The following PDE9A variants were observed in gnomAD, a reference collection of about 807,000 sequenced individuals.
The protein encoded by PDE9A is phosphodiesterase 9A.
PDE9A carries 60 observed loss-of-function variants against 87.4 expected under a neutral mutation model. That is an observed-to-expected ratio of 0.69 (90% confidence interval 0.56 to 0.85). The LOEUF is 0.85. Among genes scored for constraint, PDE9A ranks in the 40% least tolerant of loss-of-function variants. The probability of loss-of-function intolerance (pLI) is 0.00; values close to 1 mark genes in which losing one functional copy is unlikely to be tolerated. For missense variants in PDE9A, 665 were observed against 779.0 expected (o/e 0.85, Z 1.74); for synonymous variants, 272 against 279.4 (o/e 0.97, Z 0.27).
chr21:42,691,014 C>A (rs1245007361), intron 3 of PDE9A, among the ~76,000 whole-genome samples: 1 of 151,868 alleles, frequency 6.6e-6, no homozygotes, highest in East Asian at 1.9e-4. Flanking sequence ...TATCACCATC[C>A]AAAGTCACCA....
At chr21:42,689,580 G>C (rs1387191373) in intron 3 of PDE9A, 1 of 985,354 alleles carries the variant, frequency 1.0e-6, no homozygotes, top group African/African-American at 1.7e-5. Context: ...GAGAGAAACT[G>C]CTTTGTTTTC....
At chr21:42,758,965 C>G (rs2147078644) in intron 10 of PDE9A, 34 bp from the exon 11 acceptor site, 1 of 1,542,312 alleles carries the variant, frequency 6.5e-7, no homozygotes, top group Non-Finnish European at 9.0e-7. Context: ...GGCCACACAA[C>G]TGCCCAGTGC....
chr21:42,681,915 C>T (rs1033683988), intron 1 of PDE9A, among the ~76,000 whole-genome samples: 4 of 152,228 alleles, frequency 2.6e-5, no homozygotes, highest in African/African-American at 9.6e-5. Context: ...GCCCTATGGC[C>T]TCCTGACGAG....
At chr21:42,763,553 C>T (rs925052017) in intron 14 of PDE9A, among the ~76,000 whole-genome samples, 1 of 152,160 alleles carries the variant, frequency 6.6e-6, no homozygotes, top group Non-Finnish European at 1.5e-5. Context: ...GGGCCCTGCC[C>T]ACACTTTGAT....
intron 4 of PDE9A, among the ~76,000 whole-genome samples, chr21:42,721,635 C>T (rs1240589029): frequency 6.6e-6 from 1 of 152,146 alleles, no homozygotes; most frequent in Admixed American, 6.5e-5. Flanking sequence ...GTGAGAACAT[C>T]CTCAGCCAGT....
In PDE9A at chr21:42,710,596, T is replaced by G. The variant is rs79955172; in HGVS notation, c.262+11585T>G. On this transcript the variant is annotated intron_variant, in intron 4 of 19. Coordinates refer to ENST00000291539, the MANE Select transcript of PDE9A (RefSeq NM_002606.3). Reference sequence around the variant, plus strand: ...TAAGAGCAATCCTATCTTCTTATAGTTTTAATTTGCATTTCCAAGTAACTT... The same window carrying G: ...TAAGAGCAATCCTATCTTCTTATAGGTTTAATTTGCATTTCCAAGTAACTT... Among the ~76,000 whole-genome samples, 708 of 152,280 alleles carry G rather than the reference T, an allele frequency of 4.6e-3. 4 individuals are homozygous for G. The highest frequency in any genetic ancestry group is 0.016 in the African/African-American group (673 of 41,556).
intron 8 of PDE9A, among the ~76,000 whole-genome samples, chr21:42,748,652 GA>G (rs1228123412): frequency 2.0e-5 from 3 of 152,160 alleles, no homozygotes; most frequent in Non-Finnish European, 4.4e-5. Context: ...TTTAAACCTG[GA>G]CACGAGGCCT....
intron 9 of PDE9A, among the ~76,000 whole-genome samples, chr21:42,751,776 C>T (rs181813460): frequency 0.019 from 2,095 of 109,444 alleles, 44 homozygotes; most frequent in African/African-American, 0.065. Context: ...GACAGTGTTT[C>T]ACTCTTGTTG....
chr21:42,761,368 A>C (rs2055749026), intron 13 of PDE9A, among the ~76,000 whole-genome samples: 2 of 152,250 alleles, frequency 1.3e-5, no homozygotes, highest in African/African-American at 2.4e-5. Flanking sequence ...GAGGGACTGC[A>C]GAGGGACAGG....
intron 1 of PDE9A, among the ~76,000 whole-genome samples, chr21:42,657,879 CAGCTGG>C (rs1338737823): frequency 1.3e-5 from 2 of 152,250 alleles, no homozygotes; most frequent in African/African-American, 4.8e-5. Context: ...CCTTGCTCTG[CAGCTGG>C]AACCCAGGTC....
intron 1 of PDE9A, among the ~76,000 whole-genome samples, chr21:42,670,208 C>G (rs1007680452): frequency 8.5e-6 from 1 of 117,494 alleles, no homozygotes; most frequent in Admixed American, 7.6e-5. Context: ...CACACATACA[C>G]TTACATTCAC....
At chr21:42,680,457 T>G (rs2059109575) in intron 1 of PDE9A, among the ~76,000 whole-genome samples, 1 of 151,942 alleles carries the variant, frequency 6.6e-6, no homozygotes, top group Non-Finnish European at 1.5e-5. Flanking sequence ...TTGGAAGGGG[T>G]GATCTAGAGG....
Position 42,667,236 on chromosome 21 carries a change from A to G in PDE9A, c.69+13353A>G, listed in dbSNP as rs558803858. Among the ~76,000 whole-genome samples, 2 of 152,350 alleles carry G rather than the reference A, an allele frequency of 1.3e-5. 1 individual carries two copies. Among genetic ancestry groups the G allele is most frequent in the Admixed American group, 1.3e-4 (2 of 15,306 alleles). ...AGTTGGATGAGGGGGTCCAACTTCTAGCAGCCCATAAGCCTATCCATTCAG... is the reference window on the plus strand; with the variant it reads ...AGTTGGATGAGGGGGTCCAACTTCTGGCAGCCCATAAGCCTATCCATTCAG... On this transcript the variant is annotated intron_variant, in intron 1 of 19. Transcript: ENST00000291539.
At chr21:42,753,284 G>A (rs925973015) in intron 9 of PDE9A, among the ~76,000 whole-genome samples, 1 of 152,198 alleles carries the variant, frequency 6.6e-6, no homozygotes, top group East Asian at 1.9e-4. Flanking sequence ...GGGATTACAA[G>A]CATGAGCCAC....
chr21:42,683,097 T>C (rs2284961), intron 1 of PDE9A, among the ~76,000 whole-genome samples: 12,650 of 152,254 alleles, frequency 0.083, 758 homozygotes, highest in East Asian at 0.33. Context: ...AGTCCAACAG[T>C]ACAACGACAC....
At chr21:42,697,323 T>C in intron 3 of PDE9A, 1 of 767,190 alleles carries the variant, frequency 1.3e-6, no homozygotes, top group Non-Finnish European at 2.3e-6. Flanking sequence ...ACGTTACCTG[T>C]AACCATCAAA....
At chr21:42,687,817 C>A in intron 2 of PDE9A, 100 bp from the exon 3 acceptor site, 1 of 1,011,202 alleles carries the variant, frequency 9.9e-7, no homozygotes, top group Non-Finnish European at 1.5e-6. Flanking sequence ...GGTCCTGGGA[C>A]TGTCCTGGTT....
chr21:42,732,351 G>A (rs753884439), intron 6 of PDE9A, among the ~76,000 whole-genome samples: 9 of 152,220 alleles, frequency 5.9e-5, no homozygotes, highest in Non-Finnish European at 8.8e-5. Context: ...TGTTGAGTGG[G>A]TGCATTAGAA....
intron 3 of PDE9A, chr21:42,689,634 G>A (rs949282216): frequency 9.1e-6 from 9 of 985,306 alleles, no homozygotes; most frequent in Admixed American, 6.1e-5. Context: ...TAAACTCGGC[G>A]GGAAATAGGA....
Sources: gnomAD v4.1 joint callset for allele counts (sites outside exome capture counted in the v4.1 genomes callset) on GRCh38, gnomAD v4.1.1 for gene constraint, MANE v1.5 for transcripts, NCBI Gene and HGNC (gene_info 2026-07-23, HGNC 2026-07-21) for gene names.